RAPGEF2: variants seen among roughly 807,000 people sequenced by gnomAD.
RAPGEF2 encodes the protein Rap guanine nucleotide exchange factor 2.
Under a neutral mutation model 186.7 loss-of-function variants are expected in RAPGEF2, and 54 were observed. The ratio of observed to expected loss-of-function variants is 0.29; its 90% CI spans 0.23 to 0.36. The LOEUF (loss-of-function observed/expected upper bound fraction) is 0.36, where lower values mean the gene tolerates loss of function less well. Among genes scored for constraint, RAPGEF2 ranks in the 10% least tolerant of loss-of-function variants. The pLI is 1.00. For synonymous variants in RAPGEF2, 712 were observed against 705.9 expected, an observed-to-expected ratio of 1.01 and a Z score of -0.14; for missense variants, 1,532 against 2,045.0, an observed-to-expected ratio of 0.75 and a Z score of 4.84.
chr4:159,222,643 T>C (rs1751650981), intron 4 of RAPGEF2, among the ~76,000 whole-genome samples: 1 of 152,142 alleles, frequency 6.6e-6, no homozygotes, highest in Admixed American at 6.5e-5. Context: ...CCCGGTTGTT[T>C]TTGGAGAAGG....
chr4:159,260,549 C>A (rs1182652792), intron 7 of RAPGEF2, among the ~76,000 whole-genome samples: 1 of 152,066 alleles, frequency 6.6e-6, no homozygotes, highest in Non-Finnish European at 1.5e-5. Context: ...AATCTTCTGG[C>A]TGAACTACTT....
intron 3 of RAPGEF2, among the ~76,000 whole-genome samples, chr4:159,209,416 G>T (rs931843180): frequency 1.4e-4 from 21 of 152,206 alleles, no homozygotes; most frequent in African/African-American, 3.9e-4. Flanking sequence ...GGCAGTGGCA[G>T]CCCATGGCCT....
rs1320711051 is a variant in RAPGEF2 at position 159,131,502 on chromosome 4, TTGTC to T, written c.69+27274_69+27277del. ...ACTTAAATGTATTATCTTGATATCT[TTGTC>T]TGATTAATTGCTATTTTTTTTTTTT... On this transcript the variant is annotated intron_variant, in intron 1 of 29. Transcript: ENST00000691494. 7.9e-5 allele frequency among the ~76,000 whole-genome samples: 12 copies of T among 151,220 alleles called. No homozygotes were observed. In the East Asian group the frequency reaches 1.5e-3, roughly 19 times the overall value.
intron 7 of RAPGEF2, chr4:159,268,118 A>G (rs1757656970): frequency 1.9e-6 from 3 of 1,611,784 alleles, no homozygotes; most frequent in Non-Finnish European, 2.5e-6. Context: ...AGATTGGTAC[A>G]TGATGTGTAA....
intron 1 of RAPGEF2, among the ~76,000 whole-genome samples, chr4:159,114,118 A>G (rs1017169688): frequency 6.8e-6 from 1 of 147,982 alleles, no homozygotes; most frequent in Non-Finnish European, 1.5e-5. Flanking sequence ...ATACCTGGCT[A>G]ATTTTTTTTT....
chr4:159,279,183 A>G (rs1759345894), intron 7 of RAPGEF2, among the ~76,000 whole-genome samples: 1 of 152,240 alleles, frequency 6.6e-6, no homozygotes, highest in African/African-American at 2.4e-5. Context: ...CAATAATGTA[A>G]GAGTGCTGCC....
At chr4:159,265,327 A>G (rs549636150) in intron 7 of RAPGEF2, among the ~76,000 whole-genome samples, 1 of 152,222 alleles carries the variant, frequency 6.6e-6, no homozygotes, top group Non-Finnish European at 1.5e-5. Flanking sequence ...AACGGTAGTA[A>G]ATGAGTGCTT....
intron 7 of RAPGEF2, among the ~76,000 whole-genome samples, chr4:159,260,996 C>T (rs1005386717): frequency 6.6e-5 from 10 of 152,138 alleles, no homozygotes; most frequent in East Asian, 1.9e-4. Flanking sequence ...GTGATTCTTC[C>T]GCCTCGCCTT....
Position 159,357,818 on chromosome 4 carries a change from T to C in RAPGEF2, c.4958-296T>C, listed in dbSNP as rs912101370. Among the ~76,000 whole-genome samples, 5 of 152,268 alleles carry C rather than the reference T, an allele frequency of 3.3e-5. No homozygotes were observed. The East Asian group carries it at 7.7e-4, about 23-fold the overall frequency. ...TATCTGATCGTATATTTTTTTTAAA[T>C]GGCACATGCTATTTTACAACTTTTT... On this transcript the variant is annotated intron_variant, in intron 29 of 29. Transcript: ENST00000691494.
intron 7 of RAPGEF2, among the ~76,000 whole-genome samples, chr4:159,281,405 A>G (rs563254909): frequency 6.7e-6 from 1 of 149,112 alleles, no homozygotes; most frequent in South Asian, 2.1e-4. Context: ...ATGGTGGCTC[A>G]TGCCTGTAAT....
chr4:159,315,323 A>C (rs1465070020), intron 9 of RAPGEF2, among the ~76,000 whole-genome samples: 1 of 143,932 alleles, frequency 6.9e-6, no homozygotes, highest in African/African-American at 2.6e-5. Context: ...TTTTTATTTT[A>C]TGTTCAGGAG....
At chr4:159,251,711 T>C (rs1755424379) in intron 7 of RAPGEF2, among the ~76,000 whole-genome samples, 1 of 152,056 alleles carries the variant, frequency 6.6e-6, no homozygotes, top group South Asian at 2.1e-4. Context: ...GCTCAGGGAT[T>C]ATAAATGCAC....
At chr4:159,206,362 A>G (rs1474337090) in intron 3 of RAPGEF2, among the ~76,000 whole-genome samples, 2 of 152,216 alleles carry the variant, frequency 1.3e-5, no homozygotes, top group Non-Finnish European at 2.9e-5. Flanking sequence ...CGTAAAGACA[A>G]AAAAGCTTGT....
At chr4:159,105,349 T>C (rs1313503026) in intron 1 of RAPGEF2, among the ~76,000 whole-genome samples, 3 of 152,238 alleles carry the variant, frequency 2.0e-5, no homozygotes, top group Non-Finnish European at 4.4e-5. Flanking sequence ...CAAATCCAAA[T>C]GCTCTCCTTC....
intron 1 of RAPGEF2, among the ~76,000 whole-genome samples, chr4:159,165,251 G>A (rs1249726145): frequency 3.9e-5 from 6 of 152,004 alleles, no homozygotes; most frequent in Non-Finnish European, 1.5e-5. Flanking sequence ...AAGGAGTCTT[G>A]TTTTAAATAC....
At chr4:159,298,428 T>A (rs1278362711) in intron 7 of RAPGEF2, among the ~76,000 whole-genome samples, 1 of 152,182 alleles carries the variant, frequency 6.6e-6, no homozygotes, top group Non-Finnish European at 1.5e-5. Flanking sequence ...TTACTTTTTC[T>A]TGTGTTCTTA....
At position 159,331,967 on chromosome 4, in the gene RAPGEF2, G is replaced by C. The variant is rs1456272482; in HGVS notation, c.1821G>C (p.Leu607=). Residue 607 remains leucine (L), a synonymous_variant, in exon 16 of 30, where the codon CTG becomes CTC. Coordinates refer to ENST00000691494, the MANE Select transcript of RAPGEF2 (RefSeq NM_001394067.2). ...VNGQNFENIQ[L]SKAMEILRNN... ...GCCAAAACTTTGAAAACATTCAGCT[G>C]TCAAAAGCTATGGAAATTCTTAGAA... is the stretch of plus-strand genomic sequence containing the variant. 16 of 1,609,460 alleles carry C rather than the reference G, an allele frequency of 9.9e-6. No individual in the cohort carries two copies. Among genetic ancestry groups the C allele is most frequent in the Non-Finnish European group, 1.3e-5 (15 of 1,178,728 alleles).
intron 3 of RAPGEF2, among the ~76,000 whole-genome samples, chr4:159,209,208 A>C (rs1464030181): frequency 7.2e-6 from 1 of 139,814 alleles, no homozygotes; most frequent in Non-Finnish European, 1.6e-5. Context: ...AAAAAAAAAA[A>C]AACCCTCACA....
intron 4 of RAPGEF2, among the ~76,000 whole-genome samples, chr4:159,223,667 G>A (rs1000159664): frequency 2.6e-5 from 4 of 152,236 alleles, no homozygotes; most frequent in East Asian, 1.9e-4. Context: ...TAGGATGAAC[G>A]TGTATATACT....
Sources: allele counts gnomAD v4.1 joint callset (sites outside exome capture counted in the v4.1 genomes callset), GRCh38; gene constraint gnomAD v4.1.1; transcripts MANE v1.5; gene names NCBI Gene and HGNC (gene_info 2026-07-23, HGNC 2026-07-21).